The following DIDO1 variants were observed in gnomAD, a reference collection of about 807,000 sequenced individuals.
DIDO1 encodes the protein death inducer-obliterator 1, also known as death-inducer obliterator 1.
Under a neutral mutation model 99.4 loss-of-function variants are expected in DIDO1, and 16 were observed. The observed-to-expected ratio is 0.16, with a 90% CI of 0.11 to 0.24. DIDO1 has a LOEUF of 0.24. DIDO1 is among the 10% of genes least tolerant of loss of function. The pLI is 1.00. For synonymous variants in DIDO1, 1,366 were observed against 1,239.1 expected (o/e 1.10, Z -2.15); for missense variants, 2,996 against 3,014.0 (o/e 0.99, Z 0.14).
At chr20:62,922,121 CACACAT>C (rs1255783112) in intron 1 of DIDO1, among the ~76,000 whole-genome samples, 1 of 148,430 alleles carries the variant, frequency 6.7e-6, no homozygotes, top group Non-Finnish European at 1.5e-5. Flanking sequence ...CACACACACA[CACACAT>C]ATATACATAT....
chr20:62,936,202 C>CT (rs2065381472), intron 1 of DIDO1, among the ~76,000 whole-genome samples: 1 of 152,012 alleles, frequency 6.6e-6, no homozygotes, highest in African/African-American at 2.4e-5. Context: ...GGCTTGAGCC[C>CT]AGGAGATCGA....
At chr20:62,893,583 A>G (rs1454601973) in intron 12 of DIDO1, 83 bp downstream of exon 12, 3 of 1,444,852 alleles carry the variant, frequency 2.1e-6, no homozygotes, top group Non-Finnish European at 2.8e-6. Flanking sequence ...TTCCAAGTTC[A>G]ACTATTTAAT....
intron 2 of DIDO1, among the ~76,000 whole-genome samples, chr20:62,913,897 T>C (rs2064993070): frequency 6.6e-6 from 1 of 152,258 alleles, no homozygotes; most frequent in African/African-American, 2.4e-5. Context: ...CTCTCAAATA[T>C]TTAGATCATC....
In DIDO1 at chr20:62,880,655, G is replaced by A. The variant is rs371745573; in HGVS notation, c.5301C>T (p.His1767=). Residue 1767 remains histidine, a synonymous_variant, in exon 16 of 16, where the codon CAC becomes CAT. Transcript: ENST00000395343. ...GPHALGMSGL[H]GPNFPGPRGP... ...CCCTTGGTCCCGGGAAATTGGGGCCGTGAAGCCCTGACATCCCCAAAGCAT... is the reference window on the plus strand; with the variant it reads ...CCCTTGGTCCCGGGAAATTGGGGCCATGAAGCCCTGACATCCCCAAAGCAT... The A allele has an allele frequency of 1.9e-6, 3 of 1,612,698 alleles. No homozygotes were observed. The highest frequency in any genetic ancestry group is 1.3e-5 in the African/African-American group (1 of 74,940).
intron 15 of DIDO1, chr20:62,890,393 T>C: frequency 1.0e-6 from 1 of 987,816 alleles, no homozygotes; most frequent in Non-Finnish European, 1.2e-6. Context: ...TAAATAATCG[T>C]TTAAATACAG....
Position 62,879,992 on chromosome 20 carries a change from C to T in DIDO1, c.5964G>A (p.Gln1988=). 6.2e-7 allele frequency: 1 copy of T among 1,612,126 alleles called. No homozygotes were observed. Among genetic ancestry groups the T allele is most frequent in the Non-Finnish European group, 8.5e-7 (1 of 1,179,894 alleles). Residue 1988 remains glutamine (Q), a synonymous_variant, in exon 16 of 16, where the codon CAG becomes CAA. Transcript: ENST00000395343. This position sits in a 1 kb window ranked among gnomAD's most constrained non-coding sequence, Gnocchi z 6.3. ...GTGCGGACCCCCGTAGTCCACCAAA[C>T]TGCAGGGGTGCAGGCGCCCTTTGGT... ...FTNQRAPAPL[Q]FGGLRGSAPF...
intron 6 of DIDO1, among the ~76,000 whole-genome samples, chr20:62,903,056 A>C (rs1037015166): frequency 2.0e-5 from 3 of 152,242 alleles, no homozygotes; most frequent in African/African-American, 4.8e-5. Flanking sequence ...AAGAGAAAAA[A>C]ATGGAATAAG....
intron 15 of DIDO1, among the ~76,000 whole-genome samples, chr20:62,886,985 C>A (rs547859783): frequency 7.2e-5 from 11 of 152,350 alleles, no homozygotes; most frequent in African/African-American, 2.2e-4. Context: ...GGGTCCAGCA[C>A]GTCTCAGGTA....
chr20:62,906,699 A>C (rs1037875345), intron 5 of DIDO1, among the ~76,000 whole-genome samples: 3 of 92,802 alleles, frequency 3.2e-5, no homozygotes, highest in African/African-American at 6.6e-5. Flanking sequence ...TGCGATCTCT[A>C]AACATTCCAA....
intron 6 of DIDO1, among the ~76,000 whole-genome samples, chr20:62,900,483 G>C (rs748541328): frequency 1.3e-5 from 2 of 152,198 alleles, no homozygotes; most frequent in Admixed American, 6.5e-5. Flanking sequence ...GCCCCCACTG[G>C]AGGATGGTGC....
intron 5 of DIDO1, among the ~76,000 whole-genome samples, chr20:62,906,487 A>G (rs1389500683): frequency 6.6e-6 from 1 of 152,224 alleles, no homozygotes; most frequent in Admixed American, 6.5e-5. Context: ...CCTGCGCGCG[A>G]GGCTGTGCCC....
At chr20:62,921,036 G>A (rs1226461531) in intron 1 of DIDO1, among the ~76,000 whole-genome samples, 4 of 152,164 alleles carry the variant, frequency 2.6e-5, no homozygotes, top group Admixed American at 2.6e-4. Flanking sequence ...TGGGATTACA[G>A]GCGTGTGCCA....
chr20:62,879,904 C>T lies in DIDO1; in HGVS notation c.6052G>A (p.Val2018Met). The T allele has an allele frequency of 6.3e-7, 1 of 1,588,258 alleles. No individual in the cohort carries two copies. Among genetic ancestry groups the T allele is most frequent in the Non-Finnish European group, 8.5e-7 (1 of 1,169,654 alleles). Residue 2018 changes from valine (V) to methionine (M), a missense_variant, in exon 16 of 16, where the codon GTG becomes ATG. Transcript: ENST00000395343. This position sits in a 1 kb window ranked among gnomAD's most constrained non-coding sequence, Gnocchi z 6.3. ...AGGGGCCTGGGGCCCGGCTTCATCACCTGCGGGGCCTGGCCCTGGAAGTGA... is the reference window on the plus strand; with the variant it reads ...AGGGGCCTGGGGCCCGGCTTCATCATCTGCGGGGCCTGGCCCTGGAAGTGA... ...RFHFQGQAPQ[V>M]MKPGPRPLLE...
chr20:62,902,680 C>G (rs956078936), intron 6 of DIDO1, among the ~76,000 whole-genome samples: 3 of 152,174 alleles, frequency 2.0e-5, no homozygotes, highest in African/African-American at 7.2e-5. Flanking sequence ...TCCATTTCAC[C>G]CCACCAGGGC....
Position 62,881,165 on chromosome 20 carries a change from C to T in DIDO1, c.4791G>A (p.Arg1597=), listed in dbSNP as rs1355795039. 3 of 1,608,686 alleles carry T rather than the reference C, an allele frequency of 1.9e-6. No homozygotes were observed. The highest frequency in any genetic ancestry group is 8.5e-7 in the Non-Finnish European group (1 of 1,179,584). Residue 1597 remains arginine (R), a synonymous_variant, in exon 16 of 16, where the codon AGG becomes AGA. Coordinates refer to ENST00000395343, the MANE Select transcript of DIDO1 (RefSeq NM_001193369.2). The surrounding 1 kb of genome is among the most constrained non-coding windows in gnomAD (Gnocchi z 8.3). ...QGALPERDAS[R]GGLVGQAPMP... ...TGGGCGCCTGGCCCACGAGGCCACCCCTGGAAGCATCTCTCTCGGGCAGGG... is the reference window on the plus strand; with the variant it reads ...TGGGCGCCTGGCCCACGAGGCCACCTCTGGAAGCATCTCTCTCGGGCAGGG...
intron 6 of DIDO1, chr20:62,905,323 G>GT (rs2064776801): frequency 2.1e-6 from 3 of 1,424,476 alleles, no homozygotes; most frequent in Non-Finnish European, 2.7e-6. Context: ...GGTGTGTAGC[G>GT]TGTGAATCGG....
Position 62,882,014 on chromosome 20 carries a change from C to T in DIDO1, c.3942G>A (p.Leu1314=). The T allele has an allele frequency of 6.2e-7, 1 of 1,613,512 alleles. No individual in the cohort carries two copies. The change falls in exon 16 of 16, where the codon CTG becomes CTA. Residue 1314 remains leucine, a synonymous_variant. Transcript: ENST00000395343. ...CAAAGAGAGTCTGCAGGATGTGCTC[C>T]AGCGGTGATGCTGTTTTGGAAGCAG... The part of the protein sequence containing the change: ...ASSASKTASP[L]EHILQTLFGK...
At chr20:62,913,901 G>C (rs953023921) in intron 2 of DIDO1, among the ~76,000 whole-genome samples, 5 of 152,218 alleles carry the variant, frequency 3.3e-5, no homozygotes, top group Admixed American at 6.5e-5. Context: ...CAAATATTTA[G>C]ATCATCTCTA....
At position 62,911,678 on chromosome 20, in the gene DIDO1, C is replaced by A; in HGVS notation, c.-2-64G>T. 1.4e-6 allele frequency: 2 copies of A among 1,419,732 alleles called. No individual in the cohort carries two copies. Among genetic ancestry groups the A allele is most frequent in the East Asian group, 2.4e-5 (1 of 42,002 alleles). 87.9% of individuals were successfully genotyped at this position (1,419,732 alleles called of 1,614,324 possible). On this transcript the variant is annotated intron_variant, in intron 2 of 15. Coordinates refer to ENST00000395343, the MANE Select transcript of DIDO1 (RefSeq NM_001193369.2). This position sits in a 1 kb window ranked among gnomAD's most constrained non-coding sequence, Gnocchi z 7.0. Reference sequence around the variant, plus strand: ...ACAGAACAAAAGGTGACATTGCCGCCAAACACGCGCAGCAGGGGCCACCTC... The same window carrying A: ...ACAGAACAAAAGGTGACATTGCCGCAAAACACGCGCAGCAGGGGCCACCTC...
Sources: allele counts gnomAD v4.1 joint callset (sites outside exome capture counted in the v4.1 genomes callset), GRCh38; gene constraint gnomAD v4.1.1; non-coding constraint Gnocchi (gnomAD v3.1); transcripts MANE v1.5; gene names NCBI Gene and HGNC (gene_info 2026-07-23, HGNC 2026-07-21).